The following CSMD2 variants were observed in gnomAD, a reference collection of about 807,000 sequenced individuals.
CSMD2 encodes the protein CUB and Sushi multiple domains 2.
In CSMD2, 130 loss-of-function variants were observed where a neutral mutation model predicts 398.5. The observed-to-expected ratio is 0.33, with a 90% CI of 0.28 to 0.38. The LOEUF is 0.38. CSMD2 is among the 10% of genes least tolerant of loss of function. The pLI, the probability that CSMD2 is intolerant of heterozygous loss-of-function variation, is 1.00. For synonymous variants in CSMD2, 1,828 were observed against 1,908.5 expected, an observed-to-expected ratio of 0.96 and a Z score of 1.10; for missense variants, 3,829 against 4,764.9, an observed-to-expected ratio of 0.80 and a Z score of 5.78.
chr1:34,117,129 A>G (rs1417106843), intron 1 of CSMD2, among the ~76,000 whole-genome samples: 1 of 152,110 alleles, frequency 6.6e-6, no homozygotes, highest in Non-Finnish European at 1.5e-5. Flanking sequence ...AAGGAACAAA[A>G]TCATAAAGAT....
chr1:33,769,079 C>T (rs893185724), intron 13 of CSMD2, among the ~76,000 whole-genome samples: 27 of 152,164 alleles, frequency 1.8e-4, no homozygotes, highest in Non-Finnish European at 2.8e-4. Flanking sequence ...GCCAGCCTGT[C>T]GTCAAAGCAT....
intron 2 of CSMD2, among the ~76,000 whole-genome samples, chr1:34,078,232 T>C (rs1472214960): frequency 6.6e-6 from 1 of 151,610 alleles, no homozygotes; most frequent in African/African-American, 2.4e-5. Context: ...CCCCACTGTC[T>C]GTGTGGGAAG....
intron 40 of CSMD2, among the ~76,000 whole-genome samples, chr1:33,613,694 C>T (rs1641194904): frequency 6.6e-6 from 1 of 152,170 alleles, no homozygotes; most frequent in Non-Finnish European, 1.5e-5. Flanking sequence ...CAGGGCTATG[C>T]AGGCATAATC....
intron 3 of CSMD2, among the ~76,000 whole-genome samples, chr1:33,993,020 C>T (rs1646611483): frequency 1.3e-5 from 2 of 152,066 alleles, no homozygotes; most frequent in African/African-American, 4.8e-5. Context: ...CTTGTATTGT[C>T]CCACTTATGT....
chr1:34,114,375 C>T (rs1197624329), intron 1 of CSMD2, among the ~76,000 whole-genome samples: 3 of 147,646 alleles, frequency 2.0e-5, no homozygotes, highest in Admixed American at 1.3e-4. Context: ...AAAAAAAAAA[C>T]GAAAAACAAG....
intron 2 of CSMD2, among the ~76,000 whole-genome samples, chr1:34,077,847 T>C (rs1166375192): frequency 1.3e-5 from 2 of 151,946 alleles, no homozygotes; most frequent in African/African-American, 2.4e-5. Flanking sequence ...TGCTCACTAT[T>C]TGGGTGATGG....
chr1:33,865,578 T>G (rs1639972430), intron 5 of CSMD2, among the ~76,000 whole-genome samples: 1 of 152,088 alleles, frequency 6.6e-6, no homozygotes, highest in Non-Finnish European at 1.5e-5. Context: ...GGCTCAGTGG[T>G]GGGCATGTGA....
At chr1:33,955,032 G>A (rs887861860) in intron 3 of CSMD2, among the ~76,000 whole-genome samples, 1 of 152,168 alleles carries the variant, frequency 6.6e-6, no homozygotes, top group African/African-American at 2.4e-5. Flanking sequence ...AGGAGGTCAA[G>A]GTGTTCATTT....
rs947433594 is a variant in CSMD2 at position 34,065,504 on chromosome 1, C to A, written c.404+23473G>T. ...GGGTACCACCAGCCCTAAGCAGGGC[C>A]GGCTGCACAGTGCACAGAGCACTGA... On this transcript the variant is annotated intron_variant, in intron 2 of 70. Coordinates refer to ENST00000373381, the MANE Select transcript of CSMD2 (RefSeq NM_001281956.2). 2.6e-5 allele frequency among the ~76,000 whole-genome samples: 4 copies of A among 152,242 alleles called. 1 individual carries two copies. The highest frequency in any genetic ancestry group is 9.6e-5 in the African/African-American group (4 of 41,546).
intron 4 of CSMD2, among the ~76,000 whole-genome samples, chr1:33,925,000 G>A (rs929597761): frequency 3.3e-5 from 5 of 152,072 alleles, no homozygotes; most frequent in Admixed American, 6.5e-5. Flanking sequence ...TTAACAGGTC[G>A]TCTTTTCACT....
At position 33,533,878 on chromosome 1, in the gene CSMD2, T is replaced by C. The variant is rs1017366140; in HGVS notation, c.9909A>G (p.Gln3303=). The part of the protein sequence containing the change: ...QVGSTVLFRC[Q]KGYLLQGSTT... ...TGGAGCCCTGAAGCAGGTAGCCTTTTTGACAACGGAAGAGGACTGTGCTTC... is the reference window on the plus strand; with the variant it reads ...TGGAGCCCTGAAGCAGGTAGCCTTTCTGACAACGGAAGAGGACTGTGCTTC... Residue 3303 remains glutamine, a synonymous_variant, in exon 63 of 71, where the codon CAA becomes CAG. Transcript: ENST00000373381. This position sits in a 1 kb window ranked among gnomAD's most constrained non-coding sequence, Gnocchi z 4.2. 1.2e-6 allele frequency: 2 copies of C among 1,614,058 alleles called. No homozygotes were observed. Among genetic ancestry groups the C allele is most frequent in the Admixed American group, 3.3e-5 (2 of 60,026 alleles).
Position 33,521,501 on chromosome 1 carries a change from T to C in CSMD2, c.10559A>G (p.Lys3520Arg), listed in dbSNP as rs772787986. 6.2e-7 allele frequency: 1 copy of C among 1,607,128 alleles called. No homozygotes were observed. Among genetic ancestry groups the C allele is most frequent in the Non-Finnish European group, 8.5e-7 (1 of 1,175,644 alleles). ...GATFIYQGSV[K>R]GQGFGQFGFQ... The stretch of plus-strand genomic sequence containing the variant: ...GCCGAACTGCCCAAAGCCTTGGCCC[T>C]TGACAGAGCCTTGGTAGATGAAGGT... The change falls in exon 68 of 71, where the codon AAG (lysine) becomes AGG (arginine). Residue 3520 changes from lysine to arginine, a missense_variant. Physicochemically the swap from Lys to Arg is conservative, Grantham distance 26 (BLOSUM62 2). Transcript: ENST00000373381.
chr1:33,792,320 T>G, intron 11 of CSMD2, 103 bp downstream of exon 11: 1 of 780,410 alleles, frequency 1.3e-6, no homozygotes, highest in South Asian at 1.4e-5. Context: ...GATACTGTCT[T>G]TGCTGTAGTA....
intron 37 of CSMD2, among the ~76,000 whole-genome samples, chr1:33,618,082 C>T (rs1214925133): frequency 2.6e-5 from 4 of 152,122 alleles, no homozygotes; most frequent in Non-Finnish European, 5.9e-5. Context: ...GGGAGGGACA[C>T]ATCAGCGATG....
chr1:33,864,036 G>A (rs753056130), intron 5 of CSMD2: 2 of 667,338 alleles, frequency 3.0e-6, no homozygotes, highest in Non-Finnish European at 5.1e-6. Flanking sequence ...ACTCAACAAT[G>A]CCATCAGCAC....
In CSMD2 at chr1:33,574,378, C is replaced by G. The variant is rs780637302; in HGVS notation, c.7577-1687G>C. Among the ~76,000 whole-genome samples, 58 of 152,172 alleles carry G rather than the reference C, an allele frequency of 3.8e-4. 1 individual carries two copies. Among genetic ancestry groups the G allele is most frequent in the Non-Finnish European group, 1.3e-4 (9 of 68,036 alleles). The stretch of plus-strand genomic sequence containing the variant: ...TAGGAATTACTTAGGCAAGAGTAGA[C>G]TGTTTGGTCTTTGAAAGAAAGTAAT... On this transcript the variant is annotated intron_variant, in intron 49 of 70. Coordinates refer to ENST00000373381, the MANE Select transcript of CSMD2 (RefSeq NM_001281956.2).
intron 3 of CSMD2, among the ~76,000 whole-genome samples, chr1:33,961,977 T>C (rs1396284689): frequency 1.3e-5 from 2 of 152,102 alleles, no homozygotes; most frequent in African/African-American, 4.8e-5. Flanking sequence ...GACTTGGGGA[T>C]GTTGAGAAGA....
At chr1:33,600,129 C>T (rs762251377) in intron 44 of CSMD2, 1 of 712,146 alleles carries the variant, frequency 1.4e-6, no homozygotes, top group South Asian at 1.5e-5. Flanking sequence ...GGTGAAGAAA[C>T]TGAAGTCTCA....
chr1:34,039,979 C>T (rs998031239), intron 2 of CSMD2, among the ~76,000 whole-genome samples: 2 of 152,072 alleles, frequency 1.3e-5, no homozygotes, highest in African/African-American at 4.8e-5. Flanking sequence ...ATGGTGAAAT[C>T]CCATCTCTAT....
Sources: allele counts gnomAD v4.1 joint callset (sites outside exome capture counted in the v4.1 genomes callset), GRCh38; gene constraint gnomAD v4.1.1; non-coding constraint Gnocchi (gnomAD v3.1); transcripts MANE v1.5; gene names NCBI Gene and HGNC (gene_info 2026-07-23, HGNC 2026-07-21).